The following SEPTIN8 variants were observed in gnomAD, a reference collection of about 807,000 sequenced individuals.
SEPTIN8 encodes septin-8.
A neutral mutation model predicts 53.1 loss-of-function variants in SEPTIN8; 22 were observed. The ratio of observed to expected loss-of-function variants is 0.41; its 90% CI spans 0.30 to 0.59. The LOEUF (loss-of-function observed/expected upper bound fraction) is 0.59, where lower values mean the gene tolerates loss of function less well. Ranked by LOEUF, SEPTIN8 falls within the 20% of genes least tolerant of loss-of-function variation. The pLI is 0.24. For synonymous variants in SEPTIN8, 228 were observed against 248.4 expected (o/e 0.92, Z 0.77); for missense variants, 536 against 638.7 (o/e 0.84, Z 1.73).
In SEPTIN8 at chr5:132,752,072, T is replaced by C. The variant is rs1374949678; in HGVS notation, c.1396A>G (p.Ile466Val). ...PLNCSSWWPA[I>V]QCCSCLVRDA... ...CTGACCAGGCAGCTGCAGCACTGTA[T>C]GGCGGGCCACCAGCTGCTGCAGTTC... The change falls in exon 10 of 10, where the codon ATA becomes GTA. Residue 466 changes from isoleucine (I) to valine (V), a missense_variant. Around this residue, in one of 3 missense-constraint regions of SEPTIN8, gnomAD observed 133 missense variants for 157.4 expected, o/e 0.84. Transcript: ENST00000378719. 6.2e-7 allele frequency: 1 copy of C among 1,607,098 alleles called. No homozygotes were observed. Among genetic ancestry groups the C allele is most frequent in the East Asian group, 2.2e-5 (1 of 44,710 alleles).
At chr5:132,777,330 G>C, upstream of SEPTIN8, 1 of 1,066,538 alleles carries the variant, frequency 9.4e-7, no homozygotes, top group Non-Finnish European at 1.1e-6. This position sits in a 1 kb window ranked among gnomAD's most constrained non-coding sequence, Gnocchi z 4.1. Context: ...CGCGGGACCG[G>C]CCTCCCCGCC....
At chr5:132,770,018 TATATACAC>T (rs1308364508) in intron 1 of SEPTIN8, among the ~76,000 whole-genome samples, 12 of 56,144 alleles carry the variant, frequency 2.1e-4, no homozygotes, top group Admixed American at 6.5e-4. Context: ...TATATATATA[TATATACAC>T]ACACATATAT....
At position 132,776,283 on chromosome 5, in the gene SEPTIN8, T is replaced by C. The variant is rs1757782324; in HGVS notation, c.30+825A>G. Among the ~76,000 whole-genome samples, 1 of 151,946 alleles carries C rather than the reference T, an allele frequency of 6.6e-6. No homozygotes were observed. Among genetic ancestry groups the C allele is most frequent in the Non-Finnish European group, 1.5e-5 (1 of 67,990 alleles). On this transcript the variant is annotated intron_variant, in intron 1 of 9. Coordinates refer to ENST00000378719, the MANE Select transcript of SEPTIN8 (RefSeq NM_001098811.2). The surrounding 1 kb of genome is among the most constrained non-coding windows in gnomAD (Gnocchi z 4.4). The stretch of plus-strand genomic sequence containing the variant: ...TCCCAGACACACCCAGATCCAGCCT[T>C]AGACAGCAGGGGATGTCCAGATACA...
chr5:132,762,770 A>T, intron 4 of SEPTIN8, 125 bp from the exon 5 acceptor site: 1 of 1,064,136 alleles, frequency 9.4e-7, no homozygotes, highest in Non-Finnish European at 1.4e-6. Context: ...AGGAGGCCAG[A>T]GAGATGGAGC....
chr5:132,757,743 A>G, intron 9 of SEPTIN8: 1 of 985,422 alleles, frequency 1.0e-6, no homozygotes, highest in African/African-American at 1.7e-5. Context: ...AGGAGCATAG[A>G]AGAGTCAAAG....
chr5:132,756,782 T>C lies in SEPTIN8; in HGVS notation c.1286+4020A>G, dbSNP rs1206976591. On this transcript the variant is annotated intron_variant, in intron 9 of 9. Coordinates refer to ENST00000378719, the MANE Select transcript of SEPTIN8 (RefSeq NM_001098811.2). ...CAGCCACGAGTATGGCCTTTCAGTA[T>C]GCCTGGGGTGCGACCCGCAGGCCAC... 23 of 985,308 alleles carry C rather than the reference T, an allele frequency of 2.3e-5. 1 individual carries two copies. In the East Asian group the frequency reaches 2.3e-3, roughly 97 times the overall value. The allele number at this position is 985,308 out of a possible 1,614,324, so 61.0% of individuals were successfully genotyped here.
chr5:132,752,102 G>A lies in SEPTIN8; in HGVS notation c.1366C>T (p.Pro456Ser). Residue 456 changes from proline to serine, a missense_variant, in exon 10 of 10, where the codon CCC (proline) becomes TCC (serine). Pro to Ser is a moderately conservative substitution (Grantham distance 74). Coordinates refer to ENST00000378719, the MANE Select transcript of SEPTIN8 (RefSeq NM_001098811.2). ...KVMMTKASVEPLNCSSWWPAI... is the reference protein window; with the variant it reads ...KVMMTKASVESLNCSSWWPAI... ...GGCCACCAGCTGCTGCAGTTCAAGGGCTCCACACTGGCCTTGGTCATCATC... is the reference window on the plus strand; with the variant it reads ...GGCCACCAGCTGCTGCAGTTCAAGGACTCCACACTGGCCTTGGTCATCATC... 2 of 1,600,230 alleles carry A rather than the reference G, an allele frequency of 1.2e-6. No homozygotes were observed. Among genetic ancestry groups the A allele is most frequent in the Non-Finnish European group, 1.7e-6 (2 of 1,173,244 alleles).
chr5:132,765,589 G>A (rs1374246923), intron 1 of SEPTIN8, 60 bp from the exon 2 acceptor site: 3 of 1,522,572 alleles, frequency 2.0e-6, no homozygotes, highest in South Asian at 1.3e-5. Flanking sequence ...TCAAGCTGCG[G>A]GGTGGGCGCT....
At chr5:132,757,938 A>G in intron 9 of SEPTIN8, 1 of 986,056 alleles carries the variant, frequency 1.0e-6, no homozygotes, top group Middle Eastern at 5.2e-4. Context: ...TACTCTTTAC[A>G]TTTGGAATAT....
At chr5:132,771,739 T>TC (rs1757340304) in intron 1 of SEPTIN8, among the ~76,000 whole-genome samples, 1 of 152,146 alleles carries the variant, frequency 6.6e-6, no homozygotes, top group African/African-American at 2.4e-5. Flanking sequence ...GTGGTCGCGG[T>TC]CATAAGCACA....
intron 9 of SEPTIN8, chr5:132,753,230 AG>A: frequency 2.1e-6 from 1 of 470,662 alleles, no homozygotes; most frequent in Non-Finnish European, 3.9e-6. Context: ...GCCTGAAGCC[AG>A]GGAGTATGAA....
chr5:132,756,105 G>T (rs903566687), intron 9 of SEPTIN8: 2 of 985,304 alleles, frequency 2.0e-6, no homozygotes, highest in African/African-American at 1.7e-5. Context: ...AACACGTGAA[G>T]CAATTTTAGA....
At chr5:132,779,006 G>A (rs113466916), upstream of SEPTIN8, among the ~76,000 whole-genome samples, 126 of 152,198 alleles carry the variant, frequency 8.3e-4, no homozygotes, top group African/African-American at 2.9e-3. Context: ...ATCTCTAATC[G>A]GAAATATTTC....
intron 1 of SEPTIN8, among the ~76,000 whole-genome samples, chr5:132,769,315 C>G (rs1756938147): frequency 6.6e-6 from 1 of 152,226 alleles, no homozygotes; most frequent in African/African-American, 2.4e-5. Flanking sequence ...CTCCCCTGTT[C>G]TTAGCAGGCT....
chr5:132,757,781 C>T (rs1755479084), intron 9 of SEPTIN8: 1 of 985,310 alleles, frequency 1.0e-6, no homozygotes, highest in Admixed American at 6.1e-5. Flanking sequence ...AAATGTTCCC[C>T]TTTAGAGTGC....
At position 132,764,398 on chromosome 5, in the gene SEPTIN8, G is replaced by C. The variant is rs748787660; in HGVS notation, c.173C>G (p.Ser58Cys). Residue 58 changes from serine to cysteine, a missense_variant, in exon 3 of 10, where the codon TCC becomes TGC. Physicochemically the swap from Ser to Cys is moderately radical, Grantham distance 112 (BLOSUM62 -1). Coordinates refer to ENST00000378719, the MANE Select transcript of SEPTIN8 (RefSeq NM_001098811.2). The part of the protein sequence containing the change: ...LCVGETGIGK[S>C]TLMNTLFNTT... ...GTTGAAGAGTGTGTTCATCAGTGTGGATTTGCCAATGCCGGTCTCCCCTGG... is the reference window on the plus strand; with the variant it reads ...GTTGAAGAGTGTGTTCATCAGTGTGCATTTGCCAATGCCGGTCTCCCCTGG... 4 of 1,613,844 alleles carry C rather than the reference G, an allele frequency of 2.5e-6. No homozygotes were observed. The highest frequency in any genetic ancestry group is 3.4e-6 in the Non-Finnish European group (4 of 1,179,814).
chr5:132,778,034 G>T (rs1757942564), upstream of SEPTIN8: 12 of 985,492 alleles, frequency 1.2e-5, no homozygotes, highest in African/African-American at 3.5e-5. Flanking sequence ...GTGCGTGCAC[G>T]TTCTCTCCGC....
rs996590062 is a variant in SEPTIN8, at chr5:132,763,967, G to A, written c.348-75C>T. 32 of 1,423,424 alleles carry A rather than the reference G, an allele frequency of 2.2e-5. 1 individual carries two copies. The South Asian group carries it at 4.2e-4, about 18-fold the overall frequency. 88.2% of individuals were successfully genotyped at this position (1,423,424 alleles called of 1,614,324 possible). A position where few individuals can be genotyped will look rare whatever the true frequency, so the allele number is the denominator to read the frequency against. On this transcript the variant is annotated intron_variant, in intron 3 of 9. Transcript: ENST00000378719. ...TGGGGCTTGGGGGGCTCAGGGCTCG[G>A]GGCCAAGCCAGGCTGCCCCCTGGCC...
chr5:132,770,729 C>G (rs936321064), intron 1 of SEPTIN8, among the ~76,000 whole-genome samples: 8 of 152,202 alleles, frequency 5.3e-5, no homozygotes, highest in Non-Finnish European at 1.2e-4. Context: ...GACAACTTAA[C>G]TTGGACCCCA....
Sources: gnomAD v4.1 joint callset for allele counts (sites outside exome capture counted in the v4.1 genomes callset) on GRCh38, gnomAD v4.1.1 for gene constraint, gnomAD v4.1.1 regional missense constraint, Gnocchi (gnomAD v3.1) non-coding constraint, MANE v1.5 for transcripts, NCBI Gene and HGNC (gene_info 2026-07-23, HGNC 2026-07-21) for gene names.